ZC3H18: variants seen among roughly 807,000 people sequenced by gnomAD.
The protein encoded by ZC3H18 is zinc finger CCCH-type containing 18.
Under a neutral mutation model 106.1 loss-of-function variants are expected in ZC3H18, and 8 were observed. The ratio of observed to expected loss-of-function variants is 0.08; its 90% CI spans 0.04 to 0.14. The LOEUF (loss-of-function observed/expected upper bound fraction) is 0.14, where lower values mean the gene tolerates loss of function less well. Ranked by LOEUF, ZC3H18 falls within the 10% of genes least tolerant of loss-of-function variation. The probability of loss-of-function intolerance (pLI) is 1.00; values close to 1 mark genes in which losing one functional copy is unlikely to be tolerated. For synonymous variants in ZC3H18, 635 were observed against 522.1 expected, an observed-to-expected ratio of 1.22 and a Z score of -2.95; for missense variants, 1,318 against 1,278.4, an observed-to-expected ratio of 1.03 and a Z score of -0.47.
At chr16:88,600,959 A>G (rs530734323) in intron 6 of ZC3H18, among the ~76,000 whole-genome samples, 3 of 152,248 alleles carry the variant, frequency 2.0e-5, no homozygotes, top group Non-Finnish European at 2.9e-5. Flanking sequence ...CATAATCACT[A>G]TGATTTCTAT....
rs562117057 is a variant in ZC3H18 at position 88,628,514 on chromosome 16, C to T, written c.2470-244C>T. 3.2e-4 allele frequency: 179 copies of T among 560,222 alleles called. 1 individual carries two copies. In the Middle Eastern group the frequency reaches 3.4e-3, roughly 11 times the overall value. 34.7% of individuals were successfully genotyped at this position (560,222 alleles called of 1,614,324 possible). On this transcript the variant is annotated intron_variant, in intron 15 of 17. Coordinates refer to ENST00000301011, the MANE Select transcript of ZC3H18 (RefSeq NM_144604.4). ...GTCCCAGGTCCTCCTAGAGTGGCCC[C>T]CGTGGGGAGCAGGAAGGCCTGCAGG...
chr16:88,604,306 G>C (rs568395934), intron 6 of ZC3H18, among the ~76,000 whole-genome samples: 2 of 151,200 alleles, frequency 1.3e-5, no homozygotes, highest in Non-Finnish European at 2.9e-5. Context: ...AAGTGAGATC[G>C]TGCCACTGCA....
intron 6 of ZC3H18, among the ~76,000 whole-genome samples, chr16:88,601,304 C>A (rs1052770907): frequency 2.0e-5 from 3 of 152,094 alleles, no homozygotes; most frequent in Non-Finnish European, 4.4e-5. Context: ...CTCCTGAAGC[C>A]CTGGAGGCCT....
chr16:88,597,789 C>T (rs550371592), intron 3 of ZC3H18, among the ~76,000 whole-genome samples: 5 of 152,304 alleles, frequency 3.3e-5, no homozygotes, highest in East Asian at 3.9e-4. Context: ...ATGTCTGTTT[C>T]GGCACAAATA....
Position 88,623,274 on chromosome 16 carries a change from C to A in ZC3H18, c.1723C>A (p.Arg575=). 1.9e-6 allele frequency: 3 copies of A among 1,613,802 alleles called. No individual in the cohort carries two copies. The highest frequency in any genetic ancestry group is 2.5e-6 in the Non-Finnish European group (3 of 1,179,996). The change falls in exon 10 of 18, where the codon CGG becomes AGG. Residue 575 remains arginine (R), a synonymous_variant. Transcript: ENST00000301011. ...SGSGSSRSRS[R]SSSYSSYSSR... ...CTCCGGCTCCTCCCGGTCGCGATCCCGGTCTTCATCCTACAGCTCCTACTC... is the reference window on the plus strand; with the variant it reads ...CTCCGGCTCCTCCCGGTCGCGATCCAGGTCTTCATCCTACAGCTCCTACTC...
chr16:88,592,355 G>T (rs1372353480), intron 3 of ZC3H18, among the ~76,000 whole-genome samples: 1 of 152,108 alleles, frequency 6.6e-6, no homozygotes, highest in Admixed American at 6.5e-5. Flanking sequence ...TTGAATCCTT[G>T]CAAAACTGTG....
rs1906372181 is a variant in ZC3H18 at position 88,627,310 on chromosome 16, G to C, written c.2109-312G>C. 4.1e-6 allele frequency: 1 copy of C among 246,374 alleles called. No individual in the cohort carries two copies. The allele number at this position is 246,374 out of a possible 1,614,324, so 15.3% of individuals were successfully genotyped here. A position where few individuals can be genotyped will look rare whatever the true frequency, so the allele number is the denominator to read the frequency against. The stretch of plus-strand genomic sequence containing the variant: ...GTCCCGAACTCCTGACATCAGTTCA[G>C]CTGGGTCTCAGACCCCATTGCTCGT... On this transcript the variant is annotated intron_variant, in intron 13 of 17. Transcript: ENST00000301011. This position sits in a 1 kb window ranked among gnomAD's most constrained non-coding sequence, Gnocchi z 4.5.
At chr16:88,580,192 GTGTGTGTGTGTGTGTGTA>G (rs1273797595) in intron 2 of ZC3H18, among the ~76,000 whole-genome samples, 171 of 83,644 alleles carry the variant, frequency 2.0e-3, no homozygotes, top group African/African-American at 3.9e-3. Flanking sequence ...GTGTGTGTGT[GTGTGTGTGTGTGTGTGTA>G]TATGTATATG....
Position 88,630,530 on chromosome 16 carries a change from C to G in ZC3H18, c.2612C>G (p.Pro871Arg). ...KSGGRLGSPK[P>R]ERQRGQNSKA... is the part of the protein sequence containing the mutation. ...GGTGGGAGACTGGGCTCCCCGAAGCCAGAGCGGCAGAGAGGCCAGAACTCC... is the reference window on the plus strand; with the variant it reads ...GGTGGGAGACTGGGCTCCCCGAAGCGAGAGCGGCAGAGAGGCCAGAACTCC... Residue 871 changes from proline to arginine, a missense_variant, in exon 17 of 18, where the codon CCA becomes CGA. Transcript: ENST00000301011. The G allele has an allele frequency of 6.2e-7, 1 of 1,612,994 alleles. No individual in the cohort carries two copies. Among genetic ancestry groups the G allele is most frequent in the Non-Finnish European group, 8.5e-7 (1 of 1,179,842 alleles).
At chr16:88,571,344 T>A (rs993611564) in intron 1 of ZC3H18, among the ~76,000 whole-genome samples, 3 of 152,250 alleles carry the variant, frequency 2.0e-5, no homozygotes, top group Non-Finnish European at 2.9e-5. Flanking sequence ...AGAGAGTGTT[T>A]GGCATCTGAA....
At chr16:88,609,103 G>A (rs1905152247) in intron 7 of ZC3H18, 52 bp downstream of exon 7, 3 of 1,435,930 alleles carry the variant, frequency 2.1e-6, no homozygotes, top group South Asian at 2.4e-5. Flanking sequence ...GTTCATTCAA[G>A]TTATCCCTTT....
rs769099414 is a variant in ZC3H18 at position 88,609,077 on chromosome 16, A to G, written c.1206+26A>G. 4.5e-6 allele frequency: 7 copies of G among 1,539,868 alleles called. No individual in the cohort carries two copies. The East Asian group carries it at 9.0e-5, about 20-fold the overall frequency. ...GTAAGTATGACTTCAATATCCACAT[A>G]TGAACTTCATGATCTGTTCATTCAA... On this transcript the variant is annotated intron_variant, in intron 7 of 17. Transcript: ENST00000301011.
chr16:88,588,514 A>G (rs1915564614), intron 3 of ZC3H18, among the ~76,000 whole-genome samples: 1 of 152,100 alleles, frequency 6.6e-6, no homozygotes, highest in African/African-American at 2.4e-5. Flanking sequence ...CATTCCCTTC[A>G]TTGGGAGATG....
At chr16:88,624,106 C>T in intron 11 of ZC3H18, 44 bp downstream of exon 11, 1 of 1,603,256 alleles carries the variant, frequency 6.2e-7, no homozygotes, top group East Asian at 2.2e-5. Context: ...GCCAGGCCTC[C>T]ACAGGCTGCA....
chr16:88,577,618 G>A lies in ZC3H18; in HGVS notation c.495G>A (p.Glu165=), dbSNP rs112873308. ...DEEKGEGTPR[E]EGKAGVQSVG... Reference sequence around the variant, plus strand: ...AGAAAGGCGAAGGCACTCCCAGGGAGGAGGGGAAGGCTGGTGTTCAGAGTG... The same window carrying A: ...AGAAAGGCGAAGGCACTCCCAGGGAAGAGGGGAAGGCTGGTGTTCAGAGTG... Residue 165 remains glutamate, a synonymous_variant, in exon 2 of 18, where the codon GAG becomes GAA. Coordinates refer to ENST00000301011, the MANE Select transcript of ZC3H18 (RefSeq NM_144604.4). The A allele has an allele frequency of 3.8e-4, 609 of 1,613,940 alleles. 3 individuals are homozygous for A. In the African/African-American group the frequency reaches 7.5e-3, roughly 20 times the overall value.
At chr16:88,612,342 C>T (rs893010000) in intron 8 of ZC3H18, among the ~76,000 whole-genome samples, 1 of 151,962 alleles carries the variant, frequency 6.6e-6, no homozygotes, top group Non-Finnish European at 1.5e-5. Context: ...GTTGTGCAGC[C>T]ATCATCGCAA....
rs375836453 is a variant in ZC3H18, at chr16:88,577,650, A to G, written c.527A>G (p.Glu176Gly). The G allele has an allele frequency of 4.3e-5, 69 of 1,613,810 alleles. No individual in the cohort carries two copies. The highest frequency in any genetic ancestry group is 5.0e-5 in the Non-Finnish European group (59 of 1,180,046). The change falls in exon 2 of 18, where the codon GAA becomes GGA. Residue 176 changes from glutamate (E) to glycine (G), a missense_variant. Transcript: ENST00000301011. ...EGKAGVQSVGEKESLEAAKEK... is the reference protein window; with the variant it reads ...EGKAGVQSVGGKESLEAAKEK... ...AAGGCTGGTGTTCAGAGTGTGGGAGAAAAGGAATCCCTGGAGGCTGCCAAG... is the reference window on the plus strand; with the variant it reads ...AAGGCTGGTGTTCAGAGTGTGGGAGGAAAGGAATCCCTGGAGGCTGCCAAG...
intron 2 of ZC3H18, among the ~76,000 whole-genome samples, chr16:88,582,954 T>C (rs530644490): frequency 4.3e-4 from 66 of 152,294 alleles, no homozygotes; most frequent in African/African-American, 1.3e-3. Context: ...TATTTCTGAA[T>C]TCTCAAGACA....
chr16:88,580,506 A>G (rs1181441267), intron 2 of ZC3H18, among the ~76,000 whole-genome samples: 1 of 152,064 alleles, frequency 6.6e-6, no homozygotes, highest in Non-Finnish European at 1.5e-5. Context: ...GCGCCACGCC[A>G]TCCTGTGCAT....
Sources: gnomAD v4.1 joint callset for allele counts (sites outside exome capture counted in the v4.1 genomes callset) on GRCh38, gnomAD v4.1.1 for gene constraint, Gnocchi (gnomAD v3.1) non-coding constraint, MANE v1.5 for transcripts, NCBI Gene and HGNC (gene_info 2026-07-23, HGNC 2026-07-21) for gene names.